TNIK: variants seen among roughly 807,000 people sequenced by gnomAD.
TNIK encodes the protein TRAF2 and NCK interacting kinase.
Under a neutral mutation model 191.3 loss-of-function variants are expected in TNIK, and 49 were observed. That is an observed-to-expected ratio of 0.26 (90% confidence interval 0.20 to 0.32). The LOEUF is 0.32. TNIK is among the 10% of genes least tolerant of loss of function. The pLI is 1.00. For missense variants in TNIK, 1,155 were observed against 1,702.3 expected (o/e 0.68, Z 5.66); for synonymous variants, 594 against 600.9 (o/e 0.99, Z 0.17).
chr3:171,314,396 C>T (rs1754369402), intron 2 of TNIK, among the ~76,000 whole-genome samples: 1 of 152,164 alleles, frequency 6.6e-6, no homozygotes, highest in Admixed American at 6.5e-5. Flanking sequence ...TCCTCCATGA[C>T]AGCGAGACCA....
chr3:171,311,955 C>T (rs1299232353), intron 2 of TNIK, among the ~76,000 whole-genome samples: 1 of 151,714 alleles, frequency 6.6e-6, no homozygotes, highest in Non-Finnish European at 1.5e-5. Flanking sequence ...AGTGCCAAAG[C>T]CACCAAGAGT....
chr3:171,222,486 T>C lies in TNIK; in HGVS notation c.180+5679A>G, dbSNP rs187838940. ...TTTTGGCCTGTGCCTATCGTCATTA[T>C]TATTATTAACAATATTATGTGCATA... On this transcript the variant is annotated intron_variant, in intron 3 of 32. Transcript: ENST00000436636. Among the ~76,000 whole-genome samples, 11 of 152,272 alleles carry C rather than the reference T, an allele frequency of 7.2e-5. No individual in the cohort carries two copies. In the East Asian group the frequency reaches 1.9e-3, roughly 27 times the overall value.
chr3:171,447,020 A>C (rs1443337435), intron 1 of TNIK, among the ~76,000 whole-genome samples: 1 of 152,034 alleles, frequency 6.6e-6, no homozygotes, highest in Non-Finnish European at 1.5e-5. Context: ...GTTAAACCTT[A>C]TCTCTACTAA....
chr3:171,373,635 A>C (rs1716832113), intron 1 of TNIK, among the ~76,000 whole-genome samples: 1 of 152,232 alleles, frequency 6.6e-6, no homozygotes, highest in African/African-American at 2.4e-5. Flanking sequence ...GATACGGTTC[A>C]AACTGAAAGT....
intron 2 of TNIK, among the ~76,000 whole-genome samples, chr3:171,304,336 C>A (rs921018491): frequency 2.0e-5 from 3 of 151,960 alleles, no homozygotes; most frequent in Non-Finnish European, 2.9e-5. Flanking sequence ...GTTAGAATGG[C>A]GATCATTAAA....
chr3:171,219,562 A>C (rs1376588456), intron 3 of TNIK, among the ~76,000 whole-genome samples: 2 of 151,876 alleles, frequency 1.3e-5, no homozygotes, highest in African/African-American at 4.8e-5. Context: ...TTAATGAAGG[A>C]AAAATAAAAG....
chr3:171,211,047 A>G, intron 4 of TNIK, 69 bp downstream of exon 4: 3 of 1,586,532 alleles, frequency 1.9e-6, no homozygotes, highest in Non-Finnish European at 1.7e-6. Context: ...TCATGAGGAT[A>G]GAAAAATGAA....
rs541273862 is a variant in TNIK at position 171,400,499 on chromosome 3, G to A, written c.58-30814C>T. Among the ~76,000 whole-genome samples the A allele has an allele frequency of 4.6e-5, 7 of 151,922 alleles. No homozygotes were observed. In the East Asian group the frequency reaches 1.4e-3, roughly 29 times the overall value. ...TTGAAGGATCATTTGGGCCCAGGAG[G>A]TCAAGGCTGCAGTGAGCCATATTGC... On this transcript the variant is annotated intron_variant, in intron 1 of 32. Transcript: ENST00000436636.
intron 2 of TNIK, among the ~76,000 whole-genome samples, chr3:171,340,646 C>T (rs554718140): frequency 6.6e-6 from 1 of 152,294 alleles, no homozygotes; most frequent in South Asian, 2.1e-4. Context: ...AGCTAGCTTT[C>T]TAAGGATATT....
At chr3:171,265,594 A>C (rs146253189) in intron 2 of TNIK, among the ~76,000 whole-genome samples, 1 of 152,372 alleles carries the variant, frequency 6.6e-6, no homozygotes, top group East Asian at 1.9e-4. Context: ...TTGCATTTGC[A>C]ATTCAAGCAG....
At chr3:171,257,121 C>T (rs1276350988) in intron 2 of TNIK, among the ~76,000 whole-genome samples, 1 of 152,172 alleles carries the variant, frequency 6.6e-6, no homozygotes, top group Non-Finnish European at 1.5e-5. Context: ...GCCCTGGGCC[C>T]ATTTCATCTC....
At chr3:171,346,687 G>A (rs1370632157) in intron 2 of TNIK, among the ~76,000 whole-genome samples, 1 of 151,278 alleles carries the variant, frequency 6.6e-6, no homozygotes, top group Non-Finnish European at 1.5e-5. Context: ...AGTTTTGTGA[G>A]AAAGTGACAT....
At chr3:171,346,352 CCATAATT>C (rs1321350706) in intron 2 of TNIK, among the ~76,000 whole-genome samples, 1 of 152,156 alleles carries the variant, frequency 6.6e-6, no homozygotes, top group East Asian at 1.9e-4. Context: ...AAGATATGGT[CCATAATT>C]AAACATTTTC....
At position 171,103,689 on chromosome 3, in the gene TNIK, C is replaced by T. The variant is rs568484499; in HGVS notation, c.2407-2056G>A. Among the ~76,000 whole-genome samples the T allele has an allele frequency of 7.9e-5, 12 of 152,100 alleles. No homozygotes were observed. The East Asian group carries it at 2.3e-3, about 29-fold the overall frequency. Reference sequence around the variant, plus strand: ...AAATGTTACTTGTTATTAAGAATTACATTTTATATAATTTAAAGAGAGAAT... The same window carrying T: ...AAATGTTACTTGTTATTAAGAATTATATTTTATATAATTTAAAGAGAGAAT... On this transcript the variant is annotated intron_variant, in intron 21 of 32. Transcript: ENST00000436636.
chr3:171,310,661 A>T (rs1202621640), intron 2 of TNIK, among the ~76,000 whole-genome samples: 1 of 152,132 alleles, frequency 6.6e-6, no homozygotes, highest in Non-Finnish European at 1.5e-5. Flanking sequence ...TACTTTTTGT[A>T]TGAAAATTTT....
Position 171,216,274 on chromosome 3 carries a change from A to G in TNIK, c.181-5033T>C, listed in dbSNP as rs577454929. Among the ~76,000 whole-genome samples the G allele has an allele frequency of 2.0e-5, 3 of 152,368 alleles. No individual in the cohort carries two copies. The South Asian group carries it at 6.2e-4, about 32-fold the overall frequency. On this transcript the variant is annotated intron_variant, in intron 3 of 32. Transcript: ENST00000436636. ...AGTTTTTTTCAGGATGCAAATATAT[A>G]GCTGACAAAAACTAAATTTTTAAAA... is the stretch of plus-strand genomic sequence containing the variant.
chr3:171,347,395 A>T (rs1375341194), intron 2 of TNIK, among the ~76,000 whole-genome samples: 1 of 138,120 alleles, frequency 7.2e-6, no homozygotes, highest in Non-Finnish European at 1.6e-5. Flanking sequence ...TGCCTATCAC[A>T]CACACACACA....
rs147564102 is a variant in TNIK, at chr3:171,310,279, A to T, written c.123+59341T>A. On this transcript the variant is annotated intron_variant, in intron 2 of 32. Coordinates refer to ENST00000436636, the MANE Select transcript of TNIK (RefSeq NM_015028.4). Reference sequence around the variant, plus strand: ...CTCCACAAACAGTGGGACTGGGCTCATACTGAATCTAATGCAGCCTCTTAT... The same window carrying T: ...CTCCACAAACAGTGGGACTGGGCTCTTACTGAATCTAATGCAGCCTCTTAT... Among the ~76,000 whole-genome samples, 194 of 152,246 alleles carry T rather than the reference A, an allele frequency of 1.3e-3. 1 individual carries two copies. Among genetic ancestry groups the T allele is most frequent in the African/African-American group, 4.5e-3 (189 of 41,548 alleles).
At chr3:171,249,481 G>A (rs1291593320) in intron 2 of TNIK, among the ~76,000 whole-genome samples, 1 of 152,182 alleles carries the variant, frequency 6.6e-6, no homozygotes, top group African/African-American at 2.4e-5. Context: ...TGGAGGGATG[G>A]GGCAGTGGTG....
Sources: allele counts gnomAD v4.1 joint callset (sites outside exome capture counted in the v4.1 genomes callset), GRCh38; gene constraint gnomAD v4.1.1; transcripts MANE v1.5; gene names NCBI Gene and HGNC (gene_info 2026-07-23, HGNC 2026-07-21).